Variants in CEP170 observed in about 807,000 individuals in gnomAD.
The protein encoded by CEP170 is centrosomal protein 170.
CEP170 carries 21 observed loss-of-function variants against 151.9 expected under a neutral mutation model. The ratio of observed to expected loss-of-function variants is 0.14; its 90% CI spans 0.10 to 0.20. The LOEUF is 0.20. Ranked by LOEUF, CEP170 falls within the 10% of genes least tolerant of loss-of-function variation. The pLI is 1.00. For missense variants in CEP170, 964 were observed against 1,892.9 expected (o/e 0.51, Z 9.11); for synonymous variants, 356 against 648.8 (o/e 0.55, Z 6.86).
intron 3 of CEP170, among the ~76,000 whole-genome samples, chr1:243,213,032 T>C (rs1329359638): frequency 6.6e-6 from 1 of 152,202 alleles, no homozygotes; most frequent in Admixed American, 6.5e-5. Context: ...TTTAATATTA[T>C]ACATTTCACC....
intron 4 of CEP170, among the ~76,000 whole-genome samples, chr1:243,202,870 T>A (rs900524296): frequency 1.3e-5 from 2 of 152,144 alleles, no homozygotes; most frequent in South Asian, 2.1e-4. Flanking sequence ...GATTTCAGCC[T>A]GTTGTGAGGG....
chr1:243,197,187 C>T (rs112222283), intron 7 of CEP170, among the ~76,000 whole-genome samples: 4 of 152,084 alleles, frequency 2.6e-5, no homozygotes, highest in Admixed American at 6.6e-5. Context: ...CGGCGGGCAG[C>T]GTGGGGAAAG....
chr1:243,149,208 G>C (rs2056832603), intron 14 of CEP170, among the ~76,000 whole-genome samples: 1 of 152,202 alleles, frequency 6.6e-6, no homozygotes, highest in South Asian at 2.1e-4. Flanking sequence ...CTTCAGATAA[G>C]CAGAGGCAGT....
chr1:243,187,813 A>G (rs909247031), intron 8 of CEP170, among the ~76,000 whole-genome samples: 4 of 152,212 alleles, frequency 2.6e-5, no homozygotes, highest in Non-Finnish European at 5.9e-5. Context: ...CACAGAAGAG[A>G]GAACTGCGGA....
At chr1:243,244,201 A>G (rs1157973694) in intron 1 of CEP170, among the ~76,000 whole-genome samples, 1 of 152,212 alleles carries the variant, frequency 6.6e-6, no homozygotes, top group Non-Finnish European at 1.5e-5. Context: ...TAGGTATGTG[A>G]TAAAACTGCT....
Position 243,126,497 on chromosome 1 carries a change from A to G in CEP170, c.4707T>C (p.Asn1569=), listed in dbSNP as rs552140350. 5 of 1,609,688 alleles carry G rather than the reference A, an allele frequency of 3.1e-6. No homozygotes were observed. In the South Asian group the frequency reaches 3.3e-5, roughly 11 times the overall value. ...ESEADFSIHF[N]RFNPDGEEED... ...CCTCTTCCCCATCGGGGTTGAATCTATTGAAATGTATACTGAAATCAGCCT... is the reference window on the plus strand; with the variant it reads ...CCTCTTCCCCATCGGGGTTGAATCTGTTGAAATGTATACTGAAATCAGCCT... Residue 1569 remains asparagine (N), a synonymous_variant, in exon 20 of 20, where the codon AAT becomes AAC. Coordinates refer to ENST00000366542, the MANE Select transcript of CEP170 (RefSeq NM_014812.3).
In CEP170 at chr1:243,212,069, G is replaced by A. The variant is rs956516065; in HGVS notation, c.196-105C>T. 8.5e-6 allele frequency: 10 copies of A among 1,181,458 alleles called. No individual in the cohort carries two copies. In the African/African-American group the frequency reaches 9.5e-5, roughly 11 times the overall value. 73.2% of individuals were successfully genotyped at this position (1,181,458 alleles called of 1,614,324 possible). On this transcript the variant is annotated intron_variant, in intron 3 of 19. Coordinates refer to ENST00000366542, the MANE Select transcript of CEP170 (RefSeq NM_014812.3). ...TGAGAGTTAAAAGCACATATCATAC[G>A]GTGGCTAATACAGCCTGAGTATCAT...
intron 3 of CEP170, among the ~76,000 whole-genome samples, chr1:243,216,975 G>A (rs182184348): frequency 1.2e-4 from 19 of 152,244 alleles, no homozygotes; most frequent in African/African-American, 3.6e-4. Context: ...ATCACTAAGC[G>A]ATTTACTTCA....
chr1:243,154,624 T>C (rs2057393948), intron 14 of CEP170, among the ~76,000 whole-genome samples: 1 of 152,218 alleles, frequency 6.6e-6, no homozygotes, highest in African/African-American at 2.4e-5. Flanking sequence ...ACTAGAGGGA[T>C]AAGGCATGAA....
Position 243,165,567 on chromosome 1 carries a change from T to G in CEP170, c.2393A>C (p.Lys798Thr), listed in dbSNP as rs1296359113. The G allele has an allele frequency of 8.7e-6, 14 of 1,613,798 alleles. No homozygotes were observed. The African/African-American group carries it at 1.9e-4, about 22-fold the overall frequency. The change falls in exon 13 of 20, where the codon AAA becomes ACA. Residue 798 changes from lysine to threonine, a missense_variant. Transcript: ENST00000366542. ...PEKNSGHSTS[K>T]GDRVAQSESK... ...CTCACTTTGTGCCACTCTGTCTCCT[T>G]TGCTTGTAGAATGTCCTGAATTTTT...
At chr1:243,247,129 T>C (rs2065478777) in intron 1 of CEP170, among the ~76,000 whole-genome samples, 1 of 152,170 alleles carries the variant, frequency 6.6e-6, no homozygotes, top group South Asian at 2.1e-4. Flanking sequence ...TTGCACTTTT[T>C]CTATTCCATG....
chr1:243,159,486 C>T (rs1042737475), intron 13 of CEP170, among the ~76,000 whole-genome samples: 2 of 152,084 alleles, frequency 1.3e-5, no homozygotes, highest in Non-Finnish European at 2.9e-5. Flanking sequence ...AACCTTTTTT[C>T]TTCTAAAGAA....
intron 8 of CEP170, among the ~76,000 whole-genome samples, chr1:243,187,187 T>C (rs2059990862): frequency 6.6e-6 from 1 of 152,144 alleles, no homozygotes; most frequent in Admixed American, 6.5e-5. Context: ...CCAGCTATTT[T>C]CCCCAGGAAG....
chr1:243,185,014 T>C lies in CEP170; in HGVS notation c.1566+765A>G, dbSNP rs11588178. On this transcript the variant is annotated intron_variant, in intron 10 of 19. Transcript: ENST00000366542. This position sits in a 1 kb window ranked among gnomAD's most constrained non-coding sequence, Gnocchi z 4.9. ...CTGTTTTGCAAGAGGTAATATGAGG[T>C]TGGTGCAAAAGTCACTGCGGTTTTT... Among the ~76,000 whole-genome samples the C allele has an allele frequency of 3.2e-4, 48 of 152,302 alleles. No individual in the cohort carries two copies. Among genetic ancestry groups the C allele is most frequent in the African/African-American group, 6.5e-4 (27 of 41,568 alleles).
chr1:243,126,959 C>T lies in CEP170; in HGVS notation c.4466-221G>A, dbSNP rs950422198. Among the ~76,000 whole-genome samples, 19 of 152,194 alleles carry T rather than the reference C, an allele frequency of 1.2e-4. No individual in the cohort carries two copies. The East Asian group carries it at 1.3e-3, about 11-fold the overall frequency. On this transcript the variant is annotated intron_variant, in intron 19 of 19. Transcript: ENST00000366542. ...TCTGGGTCCTTTGATGTGGCACTTA[C>T]GGGCATTTCAGAGACTTGTAAGTCT...
chr1:243,222,734 T>A (rs12080886), intron 2 of CEP170, among the ~76,000 whole-genome samples: 1 of 151,962 alleles, frequency 6.6e-6, no homozygotes, highest in African/African-American at 2.4e-5. Flanking sequence ...AGAAAAATGT[T>A]GAACAAACTG....
intron 10 of CEP170, among the ~76,000 whole-genome samples, chr1:243,174,396 C>G (rs2059083159): frequency 6.6e-6 from 1 of 150,872 alleles, no homozygotes; most frequent in African/African-American, 2.4e-5. Context: ...TAGGATATAA[C>G]CAGAGAGCCT....
chr1:243,188,477 A>G (rs2060073650), intron 8 of CEP170, among the ~76,000 whole-genome samples: 1 of 152,062 alleles, frequency 6.6e-6, no homozygotes, highest in Admixed American at 6.5e-5. Flanking sequence ...CACAGCTGCA[A>G]TTTTCTGTTT....
intron 1 of CEP170, among the ~76,000 whole-genome samples, chr1:243,231,759 A>G (rs977530664): frequency 4.6e-5 from 7 of 152,188 alleles, no homozygotes; most frequent in African/African-American, 1.7e-4. Flanking sequence ...AAAGACAATA[A>G]TAAAAGAATA....
Sources: allele counts gnomAD v4.1 joint callset (sites outside exome capture counted in the v4.1 genomes callset), GRCh38; gene constraint gnomAD v4.1.1; non-coding constraint Gnocchi (gnomAD v3.1); transcripts MANE v1.5; gene names NCBI Gene and HGNC (gene_info 2026-07-23, HGNC 2026-07-21).